Variants in RBFOX1 observed in about 807,000 individuals in gnomAD.
The protein encoded by RBFOX1 is RNA binding fox-1 homolog 1.
A neutral mutation model predicts 57.7 loss-of-function variants in RBFOX1; 8 were observed. That is an observed-to-expected ratio of 0.14 (90% CI 0.08 to 0.25). RBFOX1 has a LOEUF of 0.25. Among genes scored for constraint, RBFOX1 ranks in the 10% least tolerant of loss-of-function variants. RBFOX1 has a pLI of 1.00. For missense variants in RBFOX1, 611 were observed against 548.5 expected (o/e 1.11, Z -1.14); for synonymous variants, 326 against 222.4 (o/e 1.47, Z -4.15).
chr16:5,971,081 C>T (rs756474677), intron 4 of RBFOX1, among the ~76,000 whole-genome samples: 4 of 152,204 alleles, frequency 2.6e-5, no homozygotes, highest in African/African-American at 4.8e-5. Context: ...CCCTTTCGAT[C>T]TTTATCTTTC....
At chr16:6,450,292 C>T (rs751705407) in intron 2 of RBFOX1, among the ~76,000 whole-genome samples, 13 of 152,038 alleles carry the variant, frequency 8.6e-5, no homozygotes, top group Non-Finnish European at 7.4e-5. Context: ...GTGAAGCTCC[C>T]GATAAAGAGA....
chr16:7,345,052 C>T (rs924461122), intron 4 of RBFOX1, among the ~76,000 whole-genome samples: 3 of 151,754 alleles, frequency 2.0e-5, no homozygotes, highest in African/African-American at 4.9e-5. Context: ...TGAGGAAGGG[C>T]ACTGCTGGGA....
intron 4 of RBFOX1, among the ~76,000 whole-genome samples, chr16:5,900,811 C>T (rs765975446): frequency 2.0e-5 from 3 of 152,164 alleles, no homozygotes; most frequent in East Asian, 1.9e-4. Flanking sequence ...TCACAACCAC[C>T]GTCAAGACAT....
intron 3 of RBFOX1, chr16:6,705,030 A>AT (rs907646896): frequency 4.6e-5 from 7 of 150,682 alleles, no homozygotes; most frequent in Admixed American, 1.3e-4. Context: ...TGACGTGTGG[A>AT]TTTTTTTTTA....
chr16:7,473,979 A>G (rs2062091024), intron 4 of RBFOX1, among the ~76,000 whole-genome samples: 1 of 151,932 alleles, frequency 6.6e-6, no homozygotes, highest in East Asian at 1.9e-4. Context: ...AAAAATCAAT[A>G]TTATCTTTTC....
At chr16:7,443,583 C>G (rs2098786273) in intron 4 of RBFOX1, among the ~76,000 whole-genome samples, 1 of 152,030 alleles carries the variant, frequency 6.6e-6, no homozygotes, top group African/African-American at 2.4e-5. Flanking sequence ...CTCCTTGAAA[C>G]ATAATTTTTA....
At chr16:6,791,084 T>G (rs73530774) in intron 3 of RBFOX1, among the ~76,000 whole-genome samples, 29,656 of 151,886 alleles carry the variant, frequency 0.2, 3,348 homozygotes, top group East Asian at 0.37. Context: ...TTTTTGCATT[T>G]TTTGTAGGGA....
chr16:7,223,879 C>T (rs1440165492), intron 4 of RBFOX1, among the ~76,000 whole-genome samples: 1 of 151,688 alleles, frequency 6.6e-6, no homozygotes, highest in Admixed American at 6.6e-5. Context: ...TCTGTTATGG[C>T]TGGTTGGTGA....
chr16:5,267,882 G>T (rs761993975), intron 1 of RBFOX1, among the ~76,000 whole-genome samples: 1 of 151,922 alleles, frequency 6.6e-6, no homozygotes, highest in Non-Finnish European at 1.5e-5. Flanking sequence ...AGGAGTTTGA[G>T]CACAGCCTGG....
At chr16:5,473,115 A>G (rs1234146518) in intron 2 of RBFOX1, among the ~76,000 whole-genome samples, 1 of 152,038 alleles carries the variant, frequency 6.6e-6, no homozygotes, top group African/African-American at 2.4e-5. Flanking sequence ...GCCCCTTTCC[A>G]TTGCCCTGTT....
At chr16:6,329,498 A>G (rs540620269) in intron 2 of RBFOX1, among the ~76,000 whole-genome samples, 6 of 152,320 alleles carry the variant, frequency 3.9e-5, no homozygotes, top group African/African-American at 1.4e-4. Context: ...CTCTGAGACA[A>G]AAGTTCCAGT....
At chr16:5,669,041 A>G (rs1382811373) in intron 3 of RBFOX1, among the ~76,000 whole-genome samples, 1 of 152,184 alleles carries the variant, frequency 6.6e-6, no homozygotes, top group Non-Finnish European at 1.5e-5. Flanking sequence ...GTACTGTCTG[A>G]GCACCCACAT....
intron 2 of RBFOX1, chr16:5,598,772 GAC>G (rs2047270162): frequency 8.7e-6 from 6 of 691,948 alleles, no homozygotes; most frequent in Non-Finnish European, 1.4e-5. Flanking sequence ...TGGGTGGAGA[GAC>G]AGAGGGTACT....
chr16:5,944,979 A>AAC (rs1256582070), intron 4 of RBFOX1, among the ~76,000 whole-genome samples: 8 of 134,560 alleles, frequency 5.9e-5, no homozygotes, highest in African/African-American at 2.3e-4. Flanking sequence ...AAAAAAAAAA[A>AAC]AAAAAAAAAG....
chr16:5,920,436 A>G (rs1166333934), intron 4 of RBFOX1, among the ~76,000 whole-genome samples: 2 of 151,456 alleles, frequency 1.3e-5, no homozygotes, highest in Non-Finnish European at 2.9e-5. Flanking sequence ...CTGTTTGGGG[A>G]CCTGTTTTTA....
chr16:6,531,687 G>C (rs930098621), intron 2 of RBFOX1, among the ~76,000 whole-genome samples: 1 of 152,118 alleles, frequency 6.6e-6, no homozygotes, highest in Non-Finnish European at 1.5e-5. Context: ...CTTTCTAGGA[G>C]ATAGAGTTTC....
intron 2 of RBFOX1, among the ~76,000 whole-genome samples, chr16:6,325,999 CACTG>C (rs1362068159): frequency 6.6e-6 from 1 of 152,190 alleles, no homozygotes; most frequent in Non-Finnish European, 1.5e-5. Flanking sequence ...TGTCCTCTCC[CACTG>C]ACTGACTTGT....
intron 4 of RBFOX1, among the ~76,000 whole-genome samples, chr16:7,098,429 C>T (rs940703926): frequency 6.6e-6 from 1 of 152,316 alleles, no homozygotes; most frequent in South Asian, 2.1e-4. Flanking sequence ...CTAGGCCTCC[C>T]AAAGTGCTGA....
chr16:7,397,263 G>A (rs900884701), intron 4 of RBFOX1, among the ~76,000 whole-genome samples: 4 of 152,166 alleles, frequency 2.6e-5, no homozygotes, highest in Non-Finnish European at 4.4e-5. Context: ...TGTGTATTGT[G>A]TTTAAATCTG....
Sources: gnomAD v4.1 joint callset for allele counts (sites outside exome capture counted in the v4.1 genomes callset) on GRCh38, gnomAD v4.1.1 for gene constraint, MANE v1.5 for transcripts, NCBI Gene and HGNC (gene_info 2026-07-23, HGNC 2026-07-21) for gene names.